CCDC73: variants seen among roughly 807,000 people sequenced by gnomAD.
The protein encoded by CCDC73 is coiled-coil domain-containing protein 73.
A neutral mutation model predicts 116.5 loss-of-function variants in CCDC73; 95 were observed. That is an observed-to-expected ratio of 0.82 (90% CI 0.69 to 0.97). The LOEUF (loss-of-function observed/expected upper bound fraction) is 0.97. Ranked by LOEUF, CCDC73 falls within the 50% of genes least tolerant of loss-of-function variation. The pLI is 0.00. For missense variants in CCDC73, 1,066 were observed against 1,206.8 expected (o/e 0.88, Z 1.73); for synonymous variants, 398 against 401.3 (o/e 0.99, Z 0.10).
chr11:32,765,078 T>C (rs921995150), intron 1 of CCDC73, among the ~76,000 whole-genome samples: 36 of 152,126 alleles, frequency 2.4e-4, no homozygotes, highest in Non-Finnish European at 4.0e-4. Context: ...CCTAAATATA[T>C]ATGCACCCAA....
In CCDC73 at chr11:32,635,791, C is replaced by T. The variant is rs1855672341; in HGVS notation, c.1090G>A (p.Glu364Lys). ...TGAGTTTCTTTAAGGGATGATAATT[C>T]ATTTTTAATCTTATTAATTTCTCCA... The part of the protein sequence containing the change: ...LNGEINKIKN[E>K]LSSLKETHIK... Residue 364 changes from glutamate to lysine, a missense_variant, in exon 14 of 18, where the codon GAA becomes AAA. By Grantham distance (56) the Glu-to-Lys change is moderately conservative. Coordinates refer to ENST00000335185, the MANE Select transcript of CCDC73 (RefSeq NM_001008391.4). The T allele has an allele frequency of 8.1e-7, 1 of 1,233,232 alleles. No homozygotes were observed. The highest frequency in any genetic ancestry group is 1.0e-6 in the Non-Finnish European group (1 of 956,406). The allele number at this position is 1,233,232 out of a possible 1,614,324, so 76.4% of individuals were successfully genotyped here. A position where few individuals can be genotyped will look rare whatever the true frequency, so the allele number is the denominator to read the frequency against.
chr11:32,609,408 T>C (rs1193423385), intron 17 of CCDC73, among the ~76,000 whole-genome samples: 1 of 152,162 alleles, frequency 6.6e-6, no homozygotes, highest in East Asian at 1.9e-4. Context: ...TCACCTTTGC[T>C]CCATTTCTCA....
At chr11:32,707,739 G>GATATTATAA (rs1232353681) in intron 3 of CCDC73, among the ~76,000 whole-genome samples, 1 of 152,102 alleles carries the variant, frequency 6.6e-6, no homozygotes, top group East Asian at 1.9e-4. Context: ...GGGGGTAAAT[G>GATATTATAA]TATCACTCCT....
At chr11:32,812,185 A>T in the CCDC73 span, among the ~76,000 whole-genome samples, 1 of 152,122 alleles carries the variant, frequency 6.6e-6, no homozygotes, top group Non-Finnish European at 1.5e-5. Context: ...GAAGTGTCAG[A>T]TTTTTTCATT....
intron 13 of CCDC73, among the ~76,000 whole-genome samples, chr11:32,640,726 T>C (rs1229250650): frequency 6.6e-6 from 1 of 152,066 alleles, no homozygotes; most frequent in Non-Finnish European, 1.5e-5. Flanking sequence ...TAAGAAAACA[T>C]GTTAGTTCCG....
chr11:32,798,604 T>C (rs1850746878), upstream of CCDC73, among the ~76,000 whole-genome samples: 1 of 152,178 alleles, frequency 6.6e-6, no homozygotes, highest in Non-Finnish European at 1.5e-5. Flanking sequence ...CTGTGCCCCA[T>C]CTTATTATTC....
At chr11:32,759,443 G>T (rs548370367) in intron 2 of CCDC73, among the ~76,000 whole-genome samples, 1 of 148,238 alleles carries the variant, frequency 6.7e-6, no homozygotes, top group East Asian at 2.0e-4. Context: ...CAATTCTTAT[G>T]CCTCAGCCTC....
intron 14 of CCDC73, among the ~76,000 whole-genome samples, chr11:32,626,919 G>C (rs1184589424): frequency 1.3e-5 from 2 of 152,148 alleles, no homozygotes; most frequent in African/African-American, 4.8e-5. Context: ...CATGGGCAAG[G>C]ACTTCATGTC....
chr11:32,822,784 G>A, the CCDC73 span, among the ~76,000 whole-genome samples: 2 of 150,486 alleles, frequency 1.3e-5, no homozygotes, highest in African/African-American at 4.9e-5. Flanking sequence ...AGAAAGAAAC[G>A]TAAAATTGTG....
chr11:32,626,398 T>A (rs567323467), intron 14 of CCDC73, among the ~76,000 whole-genome samples: 1 of 151,756 alleles, frequency 6.6e-6, no homozygotes, highest in African/African-American at 2.4e-5. Context: ...ATGGCCATAC[T>A]GCCCAAGGTA....
intron 14 of CCDC73, among the ~76,000 whole-genome samples, chr11:32,633,591 G>A (rs1349115468): frequency 6.6e-6 from 1 of 152,114 alleles, no homozygotes. Context: ...GCAGTCTGGA[G>A]TAAACCAGAC....
chr11:32,677,395 CAAAAT>C (rs1028787562), intron 7 of CCDC73, among the ~76,000 whole-genome samples: 17 of 152,082 alleles, frequency 1.1e-4, no homozygotes, highest in African/African-American at 3.6e-4. Flanking sequence ...GCATATTACT[CAAAAT>C]AAACCAATTG....
chr11:32,614,674 TTC>T lies in CCDC73; in HGVS notation c.1642_1643del (p.Glu548LysfsTer22). The T allele has an allele frequency of 1.2e-6, 2 of 1,613,098 alleles. No individual in the cohort carries two copies. Among genetic ancestry groups the T allele is most frequent in the Non-Finnish European group, 1.7e-6 (2 of 1,179,490 alleles). On this transcript the variant is annotated frameshift_variant, in exon 16 of 18. Transcript: ENST00000335185. LOFTEE classifies it high-confidence loss of function. ...FVVLDTAIETEKIHLERTRGL... is the reference protein window; with the variant it reads ...FVVLDTAIETXKIHLERTRGL... ...CTCTGGTTCTTTCTAGATGTATTTT[TTC>T]TGTTTCTATTGCTGTATCTAACACT... is the stretch of plus-strand genomic sequence containing the variant.
chr11:32,648,334 T>C (rs1384714819), intron 12 of CCDC73, among the ~76,000 whole-genome samples: 6 of 152,232 alleles, frequency 3.9e-5, no homozygotes, highest in African/African-American at 1.4e-4. Context: ...TATATTAGTG[T>C]CATTTTATTG....
At chr11:32,644,167 A>G (rs1855756659) in intron 12 of CCDC73, among the ~76,000 whole-genome samples, 1 of 152,176 alleles carries the variant, frequency 6.6e-6, no homozygotes, top group South Asian at 2.1e-4. Flanking sequence ...AAAAAGAGTG[A>G]GATCATGTCC....
chr11:32,751,207 A>C (rs1565092810), intron 2 of CCDC73, among the ~76,000 whole-genome samples: 1 of 151,796 alleles, frequency 6.6e-6, no homozygotes, highest in Non-Finnish European at 1.5e-5. Flanking sequence ...AAATCCTCTT[A>C]CCTCTTCCCT....
chr11:32,713,280 A>G (rs1849917844), intron 3 of CCDC73, among the ~76,000 whole-genome samples: 1 of 152,116 alleles, frequency 6.6e-6, no homozygotes, highest in African/African-American at 2.4e-5. Flanking sequence ...AACTTATTCT[A>G]TTCAGCAAAG....
At chr11:32,830,205 G>C in the CCDC73 span, 1 of 1,077,238 alleles carries the variant, frequency 9.3e-7, no homozygotes, top group Non-Finnish European at 1.1e-6. Flanking sequence ...CCTCGGCGGG[G>C]AGGGGGTTAC....
the CCDC73 span, among the ~76,000 whole-genome samples, chr11:32,807,040 G>A: frequency 6.6e-6 from 1 of 152,190 alleles, no homozygotes; most frequent in African/African-American, 2.4e-5. Flanking sequence ...AGCTTCTACA[G>A]CCCTTCCTAT....
Sources: gnomAD v4.1 joint callset for allele counts (sites outside exome capture counted in the v4.1 genomes callset) on GRCh38, gnomAD v4.1.1 for gene constraint, MANE v1.5 for transcripts, NCBI Gene and HGNC (gene_info 2026-07-23, HGNC 2026-07-21) for gene names.